The following GPHN variants were observed in gnomAD, a reference collection of about 807,000 sequenced individuals.
GPHN encodes the protein gephyrin.
GPHN carries 17 observed loss-of-function variants against 95.5 expected under a neutral mutation model. That is an observed-to-expected ratio of 0.18 (90% CI 0.12 to 0.27). The LOEUF is 0.27. Among genes scored for constraint, GPHN ranks in the 10% least tolerant of loss-of-function variants. The pLI is 1.00. For missense variants in GPHN, 660 were observed against 978.1 expected, an observed-to-expected ratio of 0.67 and a Z score of 4.34; for synonymous variants, 320 against 322.5, an observed-to-expected ratio of 0.99 and a Z score of 0.08.
chr14:66,545,730 G>A (rs376871321), intron 1 of GPHN, among the ~76,000 whole-genome samples: 18,579 of 124,868 alleles, frequency 0.15, 2,526 homozygotes, highest in African/African-American at 0.42. Flanking sequence ...CTGGCCGGGC[G>A]GGGGGCTGAC....
intron 20 of GPHN, 61 bp from the exon 21 acceptor site, chr14:67,168,872 C>A: frequency 9.5e-7 from 1 of 1,047,232 alleles, no homozygotes; most frequent in Non-Finnish European, 1.5e-6. Context: ...TATAGACAGA[C>A]ATAATTATTT....
the GPHN span, chr14:67,646,974 G>T: frequency 6.2e-7 from 1 of 1,612,800 alleles, no homozygotes; most frequent in Non-Finnish European, 8.5e-7. Flanking sequence ...GATATTGATC[G>T]ACTTGGTATC....
chr14:67,281,231 C>T, the GPHN span, among the ~76,000 whole-genome samples: 20 of 152,174 alleles, frequency 1.3e-4, no homozygotes, highest in African/African-American at 4.8e-4. Context: ...ATCACATCAT[C>T]TTCTTTTCTT....
intron 1 of GPHN, among the ~76,000 whole-genome samples, chr14:66,549,471 A>G (rs2059735546): frequency 6.6e-6 from 1 of 152,182 alleles, no homozygotes; most frequent in African/African-American, 2.4e-5. Flanking sequence ...TGGTATGGAA[A>G]TTGCAGGAGA....
At chr14:67,340,032 CAAAA>C in the GPHN span, 23 of 71,762 alleles carry the variant, frequency 3.2e-4, no homozygotes, top group Non-Finnish European at 5.2e-4. Flanking sequence ...CTCTGTCTCA[CAAAA>C]AAAAAAAAAA....
intron 18 of GPHN, among the ~76,000 whole-genome samples, chr14:67,152,493 C>G (rs776045942): frequency 6.6e-6 from 1 of 151,954 alleles, no homozygotes; most frequent in Non-Finnish European, 1.5e-5. Context: ...GATGCTATGA[C>G]CTATTCAAAG....
At chr14:67,315,178 A>G in the GPHN span, among the ~76,000 whole-genome samples, 1 of 152,134 alleles carries the variant, frequency 6.6e-6, no homozygotes, top group East Asian at 1.9e-4. Flanking sequence ...GTGCCACAGA[A>G]GTACATCATT....
At chr14:67,395,569 CA>C in the GPHN span, 1 of 1,614,118 alleles carries the variant, frequency 6.2e-7, no homozygotes, top group Non-Finnish European at 8.5e-7. Flanking sequence ...TTTGAGTCTT[CA>C]GCTTAATGAG....
At chr14:67,108,479 A>G (rs1399532120) in intron 13 of GPHN, among the ~76,000 whole-genome samples, 1 of 152,214 alleles carries the variant, frequency 6.6e-6, no homozygotes, top group Non-Finnish European at 1.5e-5. Flanking sequence ...AGGCAAACAG[A>G]AAATGAAACA....
At chr14:67,589,946 C>T in the GPHN span, 1 of 1,346,274 alleles carries the variant, frequency 7.4e-7, no homozygotes, top group Non-Finnish European at 9.6e-7. Flanking sequence ...TGCTCTATGG[C>T]TCTAAGATGC....
chr14:67,130,374 G>A (rs927732649), intron 17 of GPHN, among the ~76,000 whole-genome samples: 10 of 152,030 alleles, frequency 6.6e-5, no homozygotes, highest in Non-Finnish European at 1.5e-4. Context: ...GCAGTATTTG[G>A]TTTTCTGTTC....
chr14:66,763,827 C>T (rs1300234369), intron 2 of GPHN, among the ~76,000 whole-genome samples: 1 of 152,106 alleles, frequency 6.6e-6, no homozygotes, highest in Non-Finnish European at 1.5e-5. Flanking sequence ...TTTACAACCA[C>T]TCCCATTACC....
the GPHN span, chr14:67,390,546 T>C: frequency 2.6e-6 from 2 of 770,922 alleles, no homozygotes; most frequent in Non-Finnish European, 4.7e-6. Flanking sequence ...TGCAGCAGAC[T>C]TTACGGCGGG....
chr14:66,902,185 A>G (rs1300180414), intron 5 of GPHN, among the ~76,000 whole-genome samples: 2 of 151,976 alleles, frequency 1.3e-5, no homozygotes, highest in Non-Finnish European at 2.9e-5. Flanking sequence ...CACTATTGGT[A>G]TATAGAAATG....
In GPHN at chr14:66,922,653, C is replaced by G; in HGVS notation, c.457-13C>G. The G allele has an allele frequency of 6.3e-7, 1 of 1,582,166 alleles. No individual in the cohort carries two copies. On this transcript the variant is annotated splice_polypyrimidine_tract_variant and intron_variant, in intron 6 of 22. Transcript: ENST00000478722. ...GCTTCATCTTAATTTTTTTTTCTTT[C>G]TCTTGCATACAGGAATGCTTTCAAT...
At chr14:67,494,239 T>C in the GPHN span, among the ~76,000 whole-genome samples, 7 of 152,332 alleles carry the variant, frequency 4.6e-5, no homozygotes, top group African/African-American at 1.7e-4. Flanking sequence ...TCATTAACCA[T>C]GTAATTAGAC....
At chr14:66,586,902 C>T (rs2061444197) in intron 1 of GPHN, among the ~76,000 whole-genome samples, 1 of 151,768 alleles carries the variant, frequency 6.6e-6, no homozygotes, top group South Asian at 2.1e-4. Flanking sequence ...AAACAAAGGT[C>T]AGAACAGAAA....
chr14:67,215,845 T>G, the GPHN span, among the ~76,000 whole-genome samples: 1 of 152,280 alleles, frequency 6.6e-6, no homozygotes, highest in South Asian at 2.1e-4. Context: ...AACCCTTGTC[T>G]AACACTTCAA....
At chr14:67,594,763 T>C in the GPHN span, among the ~76,000 whole-genome samples, 2 of 152,198 alleles carry the variant, frequency 1.3e-5, no homozygotes, top group Admixed American at 6.5e-5. Flanking sequence ...TATTTAGTTC[T>C]AGCACTCAAA....
Sources: allele counts gnomAD v4.1 joint callset (sites outside exome capture counted in the v4.1 genomes callset), GRCh38; gene constraint gnomAD v4.1.1; transcripts MANE v1.5; gene names NCBI Gene and HGNC (gene_info 2026-07-23, HGNC 2026-07-21).